Variants in ATP2B3 observed in about 807,000 individuals in gnomAD.
ATP2B3 encodes the protein plasma membrane calcium-transporting ATPase 3.
ATP2B3 carries 12 observed loss-of-function variants against 70.8 expected under a neutral mutation model. That is an observed-to-expected ratio of 0.17 (90% CI 0.11 to 0.27). The LOEUF (loss-of-function observed/expected upper bound fraction) is 0.27. Among genes scored for constraint, ATP2B3 ranks in the 10% least tolerant of loss-of-function variants. The pLI, the probability that ATP2B3 is intolerant of heterozygous loss-of-function variation, is 1.00. For synonymous variants in ATP2B3, 460 were observed against 497.8 expected (o/e 0.92, Z 1.01); for missense variants, 858 against 1,118.5 (o/e 0.77, Z 3.32).
intron 12 of ATP2B3, 68 bp from the exon 13 acceptor site, chrX:153,552,967 T>G: frequency 1.0e-6 from 1 of 976,420 alleles, no homozygotes; most frequent in Admixed American, 2.4e-5. Flanking sequence ...CCCAATCCAG[T>G]GTGACCAGCG....
intron 1 of ATP2B3, among the ~76,000 whole-genome samples, 101 bp from the exon 2 acceptor site, chrX:153,518,331 G>A (rs925012495): frequency 2.8e-5 from 3 of 108,215 alleles, no homozygotes; most frequent in Non-Finnish European, 5.8e-5. Context: ...ACCGTTCCCC[G>A]CACGCCCACG....
rs782036359 is a variant in ATP2B3 at position 153,564,941 on chromosome X, C to T, written c.3180C>T (p.Thr1060=). 37 of 1,193,961 alleles carry T rather than the reference C, an allele frequency of 3.1e-5. No homozygotes were observed. The highest frequency in any genetic ancestry group is 4.5e-5 in the Admixed American group (2 of 44,002). ...VWGQVIATIP[T]SQLKCLKEAG... ...CCCAGGTCATTGCCACCATCCCCAC[C>T]AGCCAGCTCAAGTGCCTGAAGGAAG... Residue 1060 remains threonine (T), a synonymous_variant, in exon 21 of 22, where the codon ACC becomes ACT. Transcript: ENST00000263519.
intron 6 of ATP2B3, 101 bp downstream of exon 6, chrX:153,542,549 C>T: frequency 9.5e-7 from 1 of 1,049,601 alleles, no homozygotes; most frequent in Non-Finnish European, 1.3e-6. Flanking sequence ...CCTCCACCTC[C>T]ACCAGGGCCT....
intron 21 of ATP2B3, among the ~76,000 whole-genome samples, chrX:153,576,153 AG>A (rs1303929799): frequency 9.0e-6 from 1 of 111,578 alleles, no homozygotes. Context: ...GCCTACTGGA[AG>A]GTTTAGAGCC....
intron 2 of ATP2B3, among the ~76,000 whole-genome samples, chrX:153,535,173 T>C (rs898284639): frequency 8.9e-6 from 1 of 112,965 alleles, no homozygotes; most frequent in Non-Finnish European, 1.9e-5. Context: ...GCCTGGGCCC[T>C]AGCGGATCCT....
chrX:153,558,427 T>A, intron 17 of ATP2B3, 124 bp downstream of exon 17: 1 of 733,117 alleles, frequency 1.4e-6, no homozygotes. Context: ...CAAATTCATA[T>A]GCCAAAAATT....
intron 13 of ATP2B3, among the ~76,000 whole-genome samples, chrX:153,554,846 G>A (rs1223693896): frequency 1.8e-5 from 2 of 112,300 alleles, no homozygotes; most frequent in Non-Finnish European, 3.8e-5. Flanking sequence ...GGCTGAGCAG[G>A]CGAGGAAGGA....
chrX:153,523,461 G>C (rs1185163579), intron 2 of ATP2B3, among the ~76,000 whole-genome samples: 1 of 112,019 alleles, frequency 8.9e-6, no homozygotes, highest in Non-Finnish European at 1.9e-5. Flanking sequence ...CCAGGCAGAG[G>C]TATCTTCTGC....
intron 3 of ATP2B3, among the ~76,000 whole-genome samples, chrX:153,536,841 G>C (rs1315946292): frequency 8.9e-6 from 1 of 112,573 alleles, no homozygotes; most frequent in African/African-American, 3.2e-5. Flanking sequence ...TCACTTAAGG[G>C]GGATCAGAAC....
chrX:153,569,667 C>T, intron 21 of ATP2B3: 2 of 1,211,531 alleles, frequency 1.7e-6, no homozygotes, highest in Non-Finnish European at 2.2e-6. Flanking sequence ...CGGCGGTCTT[C>T]GGTCCTCAGC....
At position 153,531,442 on chromosome X, in the gene ATP2B3, G is replaced by A. The variant is rs575513173; in HGVS notation, c.-126-4680G>A. On this transcript the variant is annotated intron_variant, in intron 2 of 21. Transcript: ENST00000263519. ...GGGACTATTGTTTTAAGGAATCCCC[G>A]TAGTGAGTCACGTCGCTGAGTGATG... Among the ~76,000 whole-genome samples the A allele has an allele frequency of 7.8e-4, 89 of 113,443 alleles. No individual in the cohort carries two copies. The South Asian group carries it at 0.03, about 38-fold the overall frequency.
intron 2 of ATP2B3, among the ~76,000 whole-genome samples, chrX:153,531,454 G>A (rs925384750): frequency 5.3e-5 from 6 of 113,391 alleles, no homozygotes; most frequent in East Asian, 2.8e-4. Context: ...AGTGAGTCAC[G>A]TCGCTGAGTG....
intron 12 of ATP2B3, among the ~76,000 whole-genome samples, chrX:153,551,835 G>A (rs963647340): frequency 2.7e-5 from 3 of 112,315 alleles, no homozygotes; most frequent in East Asian, 2.8e-4. Flanking sequence ...CAGCCTTCCC[G>A]GACTCCACAC....
intron 12 of ATP2B3, among the ~76,000 whole-genome samples, chrX:153,550,976 T>TGTCTACCAGCAC (rs1603076796): frequency 8.9e-6 from 1 of 112,237 alleles, no homozygotes; most frequent in African/African-American, 3.2e-5. Context: ...TCCCTTCATC[T>TGTCTACCAGCAC]GTCTACCAGC....
intron 8 of ATP2B3, among the ~76,000 whole-genome samples, chrX:153,546,522 C>G (rs975065037): frequency 4.3e-4 from 49 of 113,214 alleles, no homozygotes; most frequent in Admixed American, 9.2e-4. Flanking sequence ...TTCCTTTCAG[C>G]CAAGCCTGAG....
At chrX:153,571,003 TACACACACACACACACACACAC>T (rs879951205) in intron 21 of ATP2B3, among the ~76,000 whole-genome samples, 1 of 87,635 alleles carries the variant, frequency 1.1e-5, no homozygotes, top group Non-Finnish European at 2.2e-5. Flanking sequence ...CGTGCGCGCG[TACACACACACACACACACACAC>T]ACACACACAC....
chrX:153,576,370 A>C (rs1186525904), intron 21 of ATP2B3, among the ~76,000 whole-genome samples: 1 of 111,678 alleles, frequency 9.0e-6, no homozygotes. Flanking sequence ...TAGGGCCCAC[A>C]GGACACGTGG....
intron 3 of ATP2B3, among the ~76,000 whole-genome samples, chrX:153,537,487 G>A (rs782175073): frequency 4.4e-5 from 5 of 113,424 alleles, no homozygotes; most frequent in South Asian, 7.1e-4. Flanking sequence ...CTCCGGCCTC[G>A]GCCCCGTCTG....
At chrX:153,538,168 G>A (rs187538301) in intron 3 of ATP2B3, among the ~76,000 whole-genome samples, 53 of 112,929 alleles carry the variant, frequency 4.7e-4, no homozygotes, top group African/African-American at 1.7e-3. Context: ...CCCCTAGCCC[G>A]GCCGTGCACC....
Sources: gnomAD v4.1 joint callset for allele counts (sites outside exome capture counted in the v4.1 genomes callset) on GRCh38, gnomAD v4.1.1 for gene constraint, MANE v1.5 for transcripts, NCBI Gene and HGNC (gene_info 2026-07-23, HGNC 2026-07-21) for gene names.